The following GALK1 variants were observed in gnomAD, a reference collection of about 807,000 sequenced individuals.
GALK1 encodes galactokinase 1.
In GALK1, 30 loss-of-function variants were observed where a neutral mutation model predicts 38.6. That is an observed-to-expected ratio of 0.78 (90% CI 0.58 to 1.05). The LOEUF (loss-of-function observed/expected upper bound fraction) is 1.05, where lower values mean the gene tolerates loss of function less well. Ranked by LOEUF, GALK1 falls within the 50% of genes least tolerant of loss-of-function variation. GALK1 has a pLI of 0.00. For missense variants in GALK1, 512 were observed against 540.5 expected, an observed-to-expected ratio of 0.95 and a Z score of 0.52; for synonymous variants, 240 against 233.6, an observed-to-expected ratio of 1.03 and a Z score of -0.25.
At chr17:75,753,773 T>C, downstream of GALK1, 1 of 1,447,860 alleles carries the variant, frequency 6.9e-7, no homozygotes, top group South Asian at 1.5e-5. Flanking sequence ...AGGCTGCGGC[T>C]GGAAGTTCGA....
At chr17:75,757,301 T>C (rs764525149), downstream of GALK1, 16 of 1,612,106 alleles carry the variant, frequency 9.9e-6, no homozygotes, top group Non-Finnish European at 1.4e-5. Context: ...CACCGAGCCC[T>C]TCCTAGTGGG....
chr17:75,764,088 T>TGGCAGGAGAGACAAGC lies in GALK1; in HGVS notation c.166-18_166-3dup, dbSNP rs2143605592. ...CAGCACCGTCATGAGCTCCAGAGCC[T>TGGCAGGAGAGACAAGC]GGCAGGAGAGACAAGCAGTACGTGA... On this transcript the variant is annotated splice_region_variant and splice_polypyrimidine_tract_variant and intron_variant, in intron 1 of 7. Transcript: ENST00000588479. 1.9e-6 allele frequency: 3 copies of TGGCAGGAGAGACAAGC among 1,573,936 alleles called. No homozygotes were observed. In the East Asian group the frequency reaches 6.9e-5, roughly 36 times the overall value.
downstream of GALK1, chr17:75,756,278 C>A: frequency 2.7e-6 from 2 of 753,104 alleles, no homozygotes; most frequent in African/African-American, 1.7e-5. Flanking sequence ...GAACAACCAG[C>A]CATACCATAC....
downstream of GALK1, among the ~76,000 whole-genome samples, chr17:75,752,993 A>T (rs1164075431): frequency 6.6e-6 from 1 of 152,204 alleles, no homozygotes; most frequent in African/African-American, 2.4e-5. Context: ...TTCCTCCTTG[A>T]TTCCCAGCAC....
At chr17:75,754,463 T>G, downstream of GALK1, 1 of 1,405,920 alleles carries the variant, frequency 7.1e-7, no homozygotes. Flanking sequence ...TGGTTGTATT[T>G]AAGCAAAAGC....
chr17:75,755,849 C>A, downstream of GALK1: 2 of 1,603,026 alleles, frequency 1.2e-6, no homozygotes, highest in Non-Finnish European at 1.7e-6. Flanking sequence ...TGCTGAACGG[C>A]GGTGAGGCAT....
chr17:75,757,388 A>G, downstream of GALK1: 2 of 1,613,008 alleles, frequency 1.2e-6, no homozygotes, highest in Non-Finnish European at 1.7e-6. Context: ...ACCCCAAGCC[A>G]GGTCATCTAA....
chr17:75,754,334 G>A (rs1279476018), downstream of GALK1: 3 of 603,874 alleles, frequency 5.0e-6, no homozygotes, highest in South Asian at 2.0e-5. Flanking sequence ...CACTGCCAGG[G>A]TCAGCAGTGC....
chr17:75,751,943 C>A (rs1016622163), intron 8 of GALK1: 2 of 604,854 alleles, frequency 3.3e-6, no homozygotes, highest in South Asian at 1.8e-5. Context: ...CCAGCCCTGG[C>A]TCTGCCACTT....
chr17:75,763,802 T>C, intron 2 of GALK1, 95 bp downstream of exon 2: 1 of 1,218,976 alleles, frequency 8.2e-7, no homozygotes, highest in South Asian at 1.3e-5. Context: ...CTACAAGCCT[T>C]CCCCACAGTG....
downstream of GALK1, chr17:75,756,557 G>A (rs752852899): frequency 6.2e-7 from 1 of 1,613,232 alleles, no homozygotes; most frequent in South Asian, 1.1e-5. Context: ...CCGAGAGCGT[G>A]AGGGTGTCAT....
Position 75,763,781 on chromosome 17 carries a change from G to C in GALK1, c.355+116C>G, listed in dbSNP as rs2061598217. Reference sequence around the variant, plus strand: ...ATCAGTTTCCTCATCTGTACAATGGGATGCTCCACTCTACAAGCCTTCCCC... The same window carrying C: ...ATCAGTTTCCTCATCTGTACAATGGCATGCTCCACTCTACAAGCCTTCCCC... On this transcript the variant is annotated intron_variant, in intron 2 of 7. Coordinates refer to ENST00000588479, the MANE Select transcript of GALK1 (RefSeq NM_000154.2). 7 of 1,051,560 alleles carry C rather than the reference G, an allele frequency of 6.7e-6. No individual in the cohort carries two copies. The East Asian group carries it at 1.8e-4, about 27-fold the overall frequency. 65.1% of individuals were successfully genotyped at this position (1,051,560 alleles called of 1,614,324 possible). A position where few individuals can be genotyped will look rare whatever the true frequency, so the allele number is the denominator to read the frequency against.
chr17:75,758,719 G>A (rs750071646), intron 5 of GALK1, 120 bp from the exon 6 acceptor site: 51 of 1,275,438 alleles, frequency 4.0e-5, no homozygotes, highest in Admixed American at 2.9e-4. Context: ...GGAAGGCCGC[G>A]GGGGCAGGGC....
chr17:75,764,264 C>T (rs1251218261), intron 1 of GALK1, 178 bp from the exon 2 acceptor site: 6 of 777,100 alleles, frequency 7.7e-6, no homozygotes, highest in Admixed American at 1.7e-5. Context: ...GAGCCCTGCC[C>T]CCTTAGGTCT....
At chr17:75,756,757 G>C, downstream of GALK1, 1 of 1,613,030 alleles carries the variant, frequency 6.2e-7, no homozygotes, top group African/African-American at 1.3e-5. Context: ...GGTGTTCACT[G>C]CCCTGAGCCC....
At chr17:75,758,164 C>T (rs779841629) in intron 7 of GALK1, 37 bp from the exon 8 acceptor site, 13 of 1,609,970 alleles carry the variant, frequency 8.1e-6, no homozygotes, top group Admixed American at 3.3e-5. Context: ...GGCAGGGCCC[C>T]GGGAAGCTGC....
downstream of GALK1, chr17:75,757,676 C>A: frequency 1.4e-6 from 2 of 1,383,940 alleles, no homozygotes; most frequent in Non-Finnish European, 2.0e-6. Context: ...ATGCACAGAG[C>A]AGGGGCTAGG....
chr17:75,764,975 A>T lies in GALK1; in HGVS notation c.162T>A (p.Pro54=). 1.2e-6 allele frequency: 2 copies of T among 1,608,008 alleles called. No individual in the cohort carries two copies. Among genetic ancestry groups the T allele is most frequent in the Non-Finnish European group, 1.7e-6 (2 of 1,177,884 alleles). ...GGCTCCCCGTGCAGCCCCTCACCAT[A>T]GGCAGCACCAGGCCCTGGTTGTAGT... The part of the protein sequence containing the change: ...HTDYNQGLVL[P]MALELMTVLV... Residue 54 remains proline, a synonymous_variant, in exon 1 of 8, where the codon CCT becomes CCA. Transcript: ENST00000588479.
chr17:75,757,919 A>C lies in GALK1; in HGVS notation c.*137T>G. The C allele has an allele frequency of 1.0e-6, 1 of 974,720 alleles. No individual in the cohort carries two copies. The highest frequency in any genetic ancestry group is 1.6e-6 in the Non-Finnish European group (1 of 634,970). 60.4% of individuals were successfully genotyped at this position (974,720 alleles called of 1,614,324 possible). The stretch of plus-strand genomic sequence containing the variant: ...TTCTCTGACACCCAAGCATACACCC[A>C]CCTCTAGAGGAGGCAGGTACCACAT... On this transcript the variant is annotated 3_prime_UTR_variant, in exon 8 of 8. Coordinates refer to ENST00000588479, the MANE Select transcript of GALK1 (RefSeq NM_000154.2).
Sources: allele counts gnomAD v4.1 joint callset (sites outside exome capture counted in the v4.1 genomes callset), GRCh38; gene constraint gnomAD v4.1.1; transcripts MANE v1.5; gene names NCBI Gene and HGNC (gene_info 2026-07-23, HGNC 2026-07-21).